SCN2A: variants seen among roughly 807,000 people sequenced by gnomAD.
SCN2A encodes the protein sodium channel protein type 2 subunit alpha.
SCN2A carries 20 observed loss-of-function variants against 188.7 expected under a neutral mutation model. That is an observed-to-expected ratio of 0.11 (90% confidence interval 0.07 to 0.15). SCN2A has a LOEUF of 0.15. Among genes scored for constraint, SCN2A ranks in the 10% least tolerant of loss-of-function variants. The pLI, the probability that SCN2A is intolerant of heterozygous loss-of-function variation, is 1.00. For missense variants in SCN2A, 1,278 were observed against 2,445.0 expected, an observed-to-expected ratio of 0.52 and a Z score of 10.07; for synonymous variants, 804 against 833.1, an observed-to-expected ratio of 0.97 and a Z score of 0.60.
intron 2 of SCN2A, chr2:165,296,330 A>C: frequency 1.8e-6 from 1 of 541,932 alleles, no homozygotes; most frequent in Non-Finnish European, 3.3e-6. Flanking sequence ...GCGGGAATTA[A>C]GGAAGGACAA....
At chr2:165,323,564 T>C in intron 12 of SCN2A, 64 bp downstream of exon 12, 6 of 1,430,298 alleles carry the variant, frequency 4.2e-6, no homozygotes, top group Non-Finnish European at 5.8e-6. Flanking sequence ...CAGGAGTGTT[T>C]TTCCATTTCC....
rs552534907 is a variant in SCN2A at position 165,329,480 on chromosome 2, CT to C, written c.2150-1842del. ...TTGTTTTAAAGTGTGAGATTCCCCCCTTTTTTTTGGAATGAATAATTGAATG... is the reference window on the plus strand; with the variant it reads ...TTGTTTTAAAGTGTGAGATTCCCCCCTTTTTTTGGAATGAATAATTGAATG... On this transcript the variant is annotated intron_variant, in intron 13 of 26. Coordinates refer to ENST00000375437, the MANE Select transcript of SCN2A (RefSeq NM_001040142.2). Among the ~76,000 whole-genome samples, 139 of 151,934 alleles carry C rather than the reference CT, an allele frequency of 9.1e-4. 1 individual carries two copies. Among genetic ancestry groups the C allele is most frequent in the Non-Finnish European group, 1.6e-3 (110 of 67,916 alleles).
chr2:165,287,487 G>A (rs765145596), intron 1 of SCN2A, among the ~76,000 whole-genome samples: 3 of 151,816 alleles, frequency 2.0e-5, no homozygotes, highest in Non-Finnish European at 4.4e-5. Context: ...GAACTTATCA[G>A]GAAGCCTCTG....
intron 17 of SCN2A, among the ~76,000 whole-genome samples, chr2:165,362,734 G>A (rs1018170311): frequency 6.6e-6 from 1 of 152,008 alleles, no homozygotes; most frequent in Non-Finnish European, 1.5e-5. Flanking sequence ...GCCCCCAAAT[G>A]TCTTACAAGC....
intron 17 of SCN2A, among the ~76,000 whole-genome samples, chr2:165,361,230 A>G (rs1272515989): frequency 6.6e-6 from 1 of 151,944 alleles, no homozygotes; most frequent in African/African-American, 2.4e-5. Flanking sequence ...CTTTTTGTTC[A>G]TGTAATATTC....
At chr2:165,321,316 A>T (rs377674740) in intron 11 of SCN2A, among the ~76,000 whole-genome samples, 1 of 152,360 alleles carries the variant, frequency 6.6e-6, no homozygotes, top group East Asian at 1.9e-4. Flanking sequence ...ATAAGTCTCT[A>T]GAAAGTTCCA....
chr2:165,281,268 A>G (rs1338917152), intron 1 of SCN2A, among the ~76,000 whole-genome samples: 1 of 151,998 alleles, frequency 6.6e-6, no homozygotes, highest in African/African-American at 2.4e-5. Flanking sequence ...GGAAATAAGG[A>G]AGGAGATGTG....
intron 12 of SCN2A, 135 bp from the exon 13 acceptor site, chr2:165,326,717 A>G (rs1444107275): frequency 1.9e-6 from 2 of 1,059,342 alleles, no homozygotes; most frequent in Non-Finnish European, 2.9e-6. Context: ...TTATCATTCC[A>G]ACAATATCTT....
rs149381312 is a variant in SCN2A at position 165,284,564 on chromosome 2, G to A, written c.-51-11209G>A. On this transcript the variant is annotated intron_variant, in intron 1 of 26. Coordinates refer to ENST00000375437, the MANE Select transcript of SCN2A (RefSeq NM_001040142.2). ...ACATTCAGATCTACTGTTCCACTGAGGAGTTTAGAGGCTGCTTTTTCTCCC... is the reference window on the plus strand; with the variant it reads ...ACATTCAGATCTACTGTTCCACTGAAGAGTTTAGAGGCTGCTTTTTCTCCC... Among the ~76,000 whole-genome samples, 399 of 152,214 alleles carry A rather than the reference G, an allele frequency of 2.6e-3. 17 individuals carry two copies. In the East Asian group the frequency reaches 0.059, roughly 23 times the overall value.
chr2:165,385,802 G>A (rs979400347), intron 25 of SCN2A, among the ~76,000 whole-genome samples: 21 of 152,036 alleles, frequency 1.4e-4, no homozygotes, highest in Non-Finnish European at 2.4e-4. Context: ...GAAATCAGAC[G>A]AAAAATTTAA....
In SCN2A at chr2:165,380,606, C is replaced by G. The variant is rs1256462098; in HGVS notation, c.4323C>G (p.Pro1441=). 1.3e-6 allele frequency: 2 copies of G among 1,581,186 alleles called. No individual in the cohort carries two copies. The highest frequency in any genetic ancestry group is 4.5e-5 in the East Asian group (2 of 44,446). Residue 1441 remains proline (P), a synonymous_variant, in exon 24 of 27, where the codon CCC becomes CCG. Coordinates refer to ENST00000375437, the MANE Select transcript of SCN2A (RefSeq NM_001040142.2). ...AVDSRNVELQ[P]KYEDNLYMYL... ...ATATTCTTTAGGTAGAATTACAACC[C>G]AAGTATGAAGACAACCTGTACATGT...
chr2:165,261,622 C>T (rs1271443012), intron 1 of SCN2A, among the ~76,000 whole-genome samples: 2 of 152,176 alleles, frequency 1.3e-5, no homozygotes, highest in Non-Finnish European at 2.9e-5. Flanking sequence ...GAGTTGAGAT[C>T]AATTTGGGAC....
intron 3 of SCN2A, among the ~76,000 whole-genome samples, chr2:165,304,772 T>C (rs1697025518): frequency 6.6e-6 from 1 of 152,150 alleles, no homozygotes; most frequent in Non-Finnish European, 1.5e-5. Context: ...TACAGTATTA[T>C]CCAAATGGGG....
intron 7 of SCN2A, among the ~76,000 whole-genome samples, chr2:165,311,359 T>C (rs1697417338): frequency 6.6e-6 from 1 of 152,082 alleles, no homozygotes; most frequent in African/African-American, 2.4e-5. Context: ...ACTGAAGTTA[T>C]ATGTCATGCC....
Position 165,330,317 on chromosome 2 carries a change from C to A in SCN2A, c.2150-1013C>A, listed in dbSNP as rs551144520. Among the ~76,000 whole-genome samples the A allele has an allele frequency of 2.0e-5, 3 of 152,160 alleles. No homozygotes were observed. The East Asian group carries it at 5.8e-4, about 29-fold the overall frequency. On this transcript the variant is annotated intron_variant, in intron 13 of 26. Transcript: ENST00000375437. ...TATTGACAGAAAACAACAAATTCTGCATATTTTTCCACTCATAAGTTGATG... is the reference window on the plus strand; with the variant it reads ...TATTGACAGAAAACAACAAATTCTGAATATTTTTCCACTCATAAGTTGATG...
intron 1 of SCN2A, among the ~76,000 whole-genome samples, chr2:165,246,172 G>T (rs994451180): frequency 1.3e-5 from 2 of 152,156 alleles, no homozygotes; most frequent in African/African-American, 4.8e-5. Flanking sequence ...CCACATTTGG[G>T]TATGCATCTT....
Position 165,331,545 on chromosome 2 carries a change from A to G in SCN2A, c.2365A>G (p.Ser789Gly). 6.2e-7 allele frequency: 1 copy of G among 1,613,432 alleles called. No individual in the cohort carries two copies. ...CTATCCCATGACGGAGCAGTTCAGCAGTGTACTGTCTGTTGGAAACCTGGT... is the reference window on the plus strand; with the variant it reads ...CTATCCCATGACGGAGCAGTTCAGCGGTGTACTGTCTGTTGGAAACCTGGT... ...EHYPMTEQFS[S>G]VLSVGNLVFT... Residue 789 changes from serine (S) to glycine (G), a missense_variant, in exon 14 of 27, where the codon AGT becomes GGT. Ser to Gly is a moderately conservative substitution (Grantham distance 56). Coordinates refer to ENST00000375437, the MANE Select transcript of SCN2A (RefSeq NM_001040142.2).
chr2:165,383,061 G>T (rs545480391), intron 25 of SCN2A, among the ~76,000 whole-genome samples: 2 of 152,124 alleles, frequency 1.3e-5, no homozygotes, highest in Non-Finnish European at 2.9e-5. Flanking sequence ...CAAGTAACTA[G>T]TAAAATCCAT....
chr2:165,317,439 T>C (rs1235947130), intron 11 of SCN2A, among the ~76,000 whole-genome samples: 1 of 151,708 alleles, frequency 6.6e-6, no homozygotes, highest in Non-Finnish European at 1.5e-5. Context: ...TTGCCTACAT[T>C]TTTACCTAAG....
Sources: gnomAD v4.1 joint callset for allele counts (sites outside exome capture counted in the v4.1 genomes callset) on GRCh38, gnomAD v4.1.1 for gene constraint, MANE v1.5 for transcripts, NCBI Gene and HGNC (gene_info 2026-07-23, HGNC 2026-07-21) for gene names.